Variants in FGF14 observed in about 807,000 individuals in gnomAD.
The protein encoded by FGF14 is fibroblast growth factor 14.
Under a neutral mutation model 25.5 loss-of-function variants are expected in FGF14, and 5 were observed. The observed-to-expected ratio is 0.20, with a 90% CI of 0.10 to 0.41. FGF14 has a LOEUF of 0.41. FGF14 is among the 10% of genes least tolerant of loss of function. The probability of loss-of-function intolerance (pLI) is 1.00; values close to 1 mark genes in which losing one functional copy is unlikely to be tolerated. For synonymous variants in FGF14, 138 were observed against 118.3 expected (o/e 1.17, Z -1.08); for missense variants, 222 against 320.1 (o/e 0.69, Z 2.34).
At position 101,768,652 on chromosome 13, in the gene FGF14, G is replaced by T. The variant is rs572041603; in HGVS notation, c.409-41842C>A. The stretch of plus-strand genomic sequence containing the variant: ...TCAATGGAGCACAGGAAAGAGCAAA[G>T]AAATAGACCCACATAAATACAGTCA... On this transcript the variant is annotated intron_variant, in intron 3 of 4. Coordinates refer to ENST00000376143, the MANE Select transcript of FGF14 (RefSeq NM_004115.4). Among the ~76,000 whole-genome samples the T allele has an allele frequency of 2.0e-5, 3 of 152,184 alleles. No homozygotes were observed. In the South Asian group the frequency reaches 6.2e-4, roughly 32 times the overall value.
intron 1 of FGF14, among the ~76,000 whole-genome samples, chr13:102,135,662 T>C (rs1242451269): frequency 6.6e-6 from 1 of 152,158 alleles, no homozygotes; most frequent in Non-Finnish European, 1.5e-5. Flanking sequence ...CAATGAAATA[T>C]TGTTTGTTTT....
intron 1 of FGF14, among the ~76,000 whole-genome samples, chr13:101,943,545 T>C (rs908797945): frequency 6.6e-6 from 1 of 152,088 alleles, no homozygotes; most frequent in African/African-American, 2.4e-5. Flanking sequence ...GGTCTAAACA[T>C]CAATTGTTGC....
At chr13:101,945,931 G>T in intron 1 of FGF14, among the ~76,000 whole-genome samples, 1 of 151,926 alleles carries the variant, frequency 6.6e-6, no homozygotes, top group East Asian at 1.9e-4. Flanking sequence ...TTTTATACGT[G>T]GGTCACTAGG....
intron 1 of FGF14, among the ~76,000 whole-genome samples, chr13:102,149,800 T>C (rs1386550551): frequency 6.6e-6 from 1 of 152,128 alleles, no homozygotes; most frequent in Non-Finnish European, 1.5e-5. Context: ...AGTTAACGAA[T>C]TGGGTAATAC....
Position 101,714,437 on chromosome 13 carries a change from G to C in FGF14, c.*8394C>G, listed in dbSNP as rs1290174990. On this transcript the variant is annotated 3_prime_UTR_variant, in exon 5 of 5. Coordinates refer to ENST00000376143, the MANE Select transcript of FGF14 (RefSeq NM_004115.4). ...GTGAGTAATAGCCTTTGTAATTTCA[G>C]GTTCTTGTCATTGTGGGAAGTGCAT... is the stretch of plus-strand genomic sequence containing the variant. 1 of 1,566,776 alleles carries C rather than the reference G, an allele frequency of 6.4e-7. No homozygotes were observed. The highest frequency in any genetic ancestry group is 8.8e-7 in the Non-Finnish European group (1 of 1,137,504).
intron 1 of FGF14, among the ~76,000 whole-genome samples, chr13:101,882,470 G>A (rs947799266): frequency 6.6e-6 from 1 of 151,786 alleles, no homozygotes; most frequent in African/African-American, 2.4e-5. Context: ...AATTACACCA[G>A]ATGTGCAGTT....
Position 102,113,191 on chromosome 13 carries a change from A to T in FGF14, c.209-237895T>A, listed in dbSNP as rs2045314435. Among the ~76,000 whole-genome samples the T allele has an allele frequency of 2.6e-5, 4 of 152,242 alleles. No individual in the cohort carries two copies. The South Asian group carries it at 8.3e-4, about 31-fold the overall frequency. ...CTCTGTTGAAAGCTGTACTACAGAT[A>T]AACTGAATTGGATTTGCTGGTATAA... is the stretch of plus-strand genomic sequence containing the variant. On this transcript the variant is annotated intron_variant, in intron 1 of 4. Coordinates refer to the FGF14 transcript ENST00000376131.
intron 1 of FGF14, among the ~76,000 whole-genome samples, chr13:101,985,355 T>C (rs909922338): frequency 1.1e-4 from 17 of 152,070 alleles, no homozygotes; most frequent in African/African-American, 2.7e-4. Flanking sequence ...TGTTTCATTA[T>C]TTATACAGAA....
chr13:101,730,232 G>A (rs1040022078), intron 3 of FGF14, among the ~76,000 whole-genome samples: 2 of 152,286 alleles, frequency 1.3e-5, no homozygotes, highest in African/African-American at 2.4e-5. Flanking sequence ...GAAAAGTTAA[G>A]AACATGTCGT....
At chr13:102,049,503 A>G (rs879232111) in intron 1 of FGF14, among the ~76,000 whole-genome samples, 1 of 152,198 alleles carries the variant, frequency 6.6e-6, no homozygotes, top group African/African-American at 2.4e-5. Flanking sequence ...TGGATTTCCA[A>G]AAGTCCAAAT....
intron 1 of FGF14, among the ~76,000 whole-genome samples, chr13:101,997,132 T>C (rs1477004913): frequency 6.6e-6 from 1 of 152,244 alleles, no homozygotes; most frequent in Non-Finnish European, 1.5e-5. Flanking sequence ...CTTGATACTA[T>C]ACACTACTCC....
At chr13:102,352,846 T>A (rs1178462804) in intron 1 of FGF14, among the ~76,000 whole-genome samples, 2 of 151,766 alleles carry the variant, frequency 1.3e-5, no homozygotes, top group Non-Finnish European at 2.9e-5. Flanking sequence ...TAAGATATAG[T>A]TAGCCAGAAA....
chr13:101,819,590 T>G (rs746338159), intron 3 of FGF14, among the ~76,000 whole-genome samples: 2 of 152,232 alleles, frequency 1.3e-5, no homozygotes, highest in Non-Finnish European at 2.9e-5. Context: ...AATTTGAGGA[T>G]GTGAAATTGA....
chr13:102,076,566 A>C (rs1469297066), intron 1 of FGF14, among the ~76,000 whole-genome samples: 4 of 152,202 alleles, frequency 2.6e-5, no homozygotes, highest in African/African-American at 9.7e-5. Context: ...AATTTAACCA[A>C]GGAGGTTAAA....
intron 1 of FGF14, among the ~76,000 whole-genome samples, chr13:102,163,458 C>A (rs140971392): frequency 1.3e-5 from 2 of 152,036 alleles, no homozygotes; most frequent in African/African-American, 4.8e-5. Context: ...GCTCTGCCAT[C>A]GAGGAAGTTT....
intron 3 of FGF14, among the ~76,000 whole-genome samples, chr13:101,739,014 CTA>C (rs561914493): frequency 1.3e-4 from 19 of 141,992 alleles, no homozygotes; most frequent in East Asian, 4.1e-4. Flanking sequence ...GTATATCTAT[CTA>C]TATATATATA....
At position 102,249,129 on chromosome 13, in the gene FGF14, C is replaced by T. The variant is rs144064781; in HGVS notation, c.208+152342G>A. 3.6e-3 allele frequency among the ~76,000 whole-genome samples: 541 copies of T among 152,164 alleles called. 15 individuals carry two copies. The highest frequency in any genetic ancestry group is 0.028 in the Admixed American group (426 of 15,270). ...GTGAATGGAGGCTAGATGGAAGTCA[C>T]GGCCTGAAGATGAAGATTTAAGAGC... On this transcript the variant is annotated intron_variant, in intron 1 of 4. Transcript: ENST00000376131.
At chr13:102,312,659 A>T (rs1448761410) in intron 1 of FGF14, among the ~76,000 whole-genome samples, 1 of 152,226 alleles carries the variant, frequency 6.6e-6, no homozygotes, top group Non-Finnish European at 1.5e-5. Flanking sequence ...GGATAGAGAC[A>T]TCAGTGATAG....
chr13:102,362,149 A>C (rs1459715969), intron 1 of FGF14, among the ~76,000 whole-genome samples: 1 of 152,144 alleles, frequency 6.6e-6, no homozygotes, highest in African/African-American at 2.4e-5. Flanking sequence ...CATTGCCATG[A>C]TAGTCCAGGC....
Sources: gnomAD v4.1 joint callset for allele counts (sites outside exome capture counted in the v4.1 genomes callset) on GRCh38, gnomAD v4.1.1 for gene constraint, MANE v1.5 for transcripts, NCBI Gene and HGNC (gene_info 2026-07-23, HGNC 2026-07-21) for gene names.